ASCC3: variants seen among roughly 807,000 people sequenced by gnomAD.
ASCC3 encodes activating signal cointegrator 1 complex subunit 3.
ASCC3 carries 158 observed loss-of-function variants against 256.3 expected under a neutral mutation model. That is an observed-to-expected ratio of 0.62 (90% CI 0.54 to 0.70). The LOEUF is 0.70. Ranked by LOEUF, ASCC3 falls within the 30% of genes least tolerant of loss-of-function variation. The probability of loss-of-function intolerance (pLI) is 0.00; values close to 1 mark genes in which losing one functional copy is unlikely to be tolerated. For missense variants in ASCC3, 2,259 were observed against 2,626.0 expected (o/e 0.86, Z 3.05); for synonymous variants, 948 against 883.4 (o/e 1.07, Z -1.30).
At chr6:100,829,557 G>A (rs1771514680) in intron 4 of ASCC3, among the ~76,000 whole-genome samples, 1 of 151,940 alleles carries the variant, frequency 6.6e-6, no homozygotes, top group South Asian at 2.1e-4. Flanking sequence ...CCTGGTTCCC[G>A]CTGGCGGCGC....
At chr6:100,625,703 GTGT>G (rs1434582799) in intron 29 of ASCC3, among the ~76,000 whole-genome samples, 1 of 152,096 alleles carries the variant, frequency 6.6e-6, no homozygotes, top group Non-Finnish European at 1.5e-5. Context: ...TCAGCTATTT[GTGT>G]TTGCCTAAGC....
chr6:100,819,112 C>A (rs896743944), intron 4 of ASCC3, among the ~76,000 whole-genome samples: 2 of 145,312 alleles, frequency 1.4e-5, no homozygotes, highest in African/African-American at 5.1e-5. Context: ...GGGAATTGAA[C>A]AATGAGATCA....
chr6:100,725,767 T>C (rs1023353633), intron 10 of ASCC3, 64 bp from the exon 11 acceptor site: 1 of 1,576,974 alleles, frequency 6.3e-7, no homozygotes, highest in Non-Finnish European at 8.7e-7. Context: ...TGAACTGTGA[T>C]ACTCAGAAAG....
intron 36 of ASCC3, among the ~76,000 whole-genome samples, chr6:100,576,429 G>T (rs1770864100): frequency 6.6e-6 from 1 of 151,794 alleles, no homozygotes; most frequent in Non-Finnish European, 1.5e-5. Context: ...TTTCTTACAT[G>T]TCAATGCTTT....
At chr6:100,608,087 T>TAG (rs79296354) in intron 30 of ASCC3, among the ~76,000 whole-genome samples, 2 of 130,296 alleles carry the variant, frequency 1.5e-5, no homozygotes, top group African/African-American at 2.9e-5. Context: ...TATGTATATA[T>TAG]ATCTATATAC....
chr6:100,742,081 C>T (rs1780462313), intron 10 of ASCC3, among the ~76,000 whole-genome samples: 2 of 151,732 alleles, frequency 1.3e-5, no homozygotes, highest in East Asian at 3.9e-4. Context: ...TTGCTGTTTT[C>T]TGTTTGTTTT....
chr6:100,704,568 T>C (rs946061530), intron 13 of ASCC3, among the ~76,000 whole-genome samples: 3 of 152,002 alleles, frequency 2.0e-5, no homozygotes, highest in Non-Finnish European at 4.4e-5. Flanking sequence ...GAAATAAAAA[T>C]AATTTTCTTC....
At chr6:100,595,132 C>T (rs1418217021) in intron 34 of ASCC3, among the ~76,000 whole-genome samples, 1 of 152,094 alleles carries the variant, frequency 6.6e-6, no homozygotes, top group African/African-American at 2.4e-5. Flanking sequence ...TCTGGTGATG[C>T]ACTGCACAGC....
intron 25 of ASCC3, among the ~76,000 whole-genome samples, chr6:100,632,035 G>A (rs2114868189): frequency 6.6e-6 from 1 of 151,952 alleles, no homozygotes; most frequent in Admixed American, 6.6e-5. Flanking sequence ...TTCTATTTTA[G>A]TGTGATGTAC....
intron 25 of ASCC3, among the ~76,000 whole-genome samples, chr6:100,635,181 A>G (rs1290265717): frequency 6.6e-6 from 1 of 151,720 alleles, no homozygotes; most frequent in African/African-American, 2.4e-5. Flanking sequence ...AGAAATTGTA[A>G]TATATATATG....
intron 14 of ASCC3, among the ~76,000 whole-genome samples, chr6:100,672,317 C>T (rs1163716364): frequency 6.6e-6 from 1 of 151,904 alleles, no homozygotes; most frequent in African/African-American, 2.4e-5. Flanking sequence ...CTAATTAAAG[C>T]AAATAATATT....
At chr6:100,813,497 A>T (rs1770586517) in intron 4 of ASCC3, among the ~76,000 whole-genome samples, 1 of 152,042 alleles carries the variant, frequency 6.6e-6, no homozygotes. Flanking sequence ...AAAAAACCTA[A>T]GAGATTTTGT....
intron 16 of ASCC3, among the ~76,000 whole-genome samples, chr6:100,660,412 T>C (rs966119925): frequency 4.0e-4 from 61 of 151,732 alleles, no homozygotes; most frequent in Admixed American, 2.9e-3. Flanking sequence ...AGAGACTTTG[T>C]TCTGTACATT....
At chr6:100,556,683 C>T (rs777356334) in intron 36 of ASCC3, among the ~76,000 whole-genome samples, 6 of 151,872 alleles carry the variant, frequency 4.0e-5, no homozygotes, top group South Asian at 2.1e-4. Flanking sequence ...ATGATGCAAA[C>T]GGTGGTTTAA....
chr6:100,820,189 A>G (rs1052346380), intron 4 of ASCC3, among the ~76,000 whole-genome samples: 10 of 152,242 alleles, frequency 6.6e-5, no homozygotes, highest in African/African-American at 2.4e-4. Flanking sequence ...CAGAATAGTC[A>G]AAATAAACTT....
At chr6:100,876,108 A>G (rs1773991241) in intron 1 of ASCC3, among the ~76,000 whole-genome samples, 1 of 152,174 alleles carries the variant, frequency 6.6e-6, no homozygotes, top group African/African-American at 2.4e-5. Flanking sequence ...GGCGAGAATG[A>G]CAACAAAAGC....
intron 4 of ASCC3, among the ~76,000 whole-genome samples, chr6:100,828,214 C>T: frequency 6.6e-6 from 1 of 151,396 alleles, no homozygotes; most frequent in Admixed American, 6.6e-5. Context: ...TTTAGTTTAG[C>T]AAATTATTTA....
chr6:100,875,604 G>A lies in ASCC3; in HGVS notation c.-42+5457C>T, dbSNP rs148457407. Among the ~76,000 whole-genome samples, 8 of 152,226 alleles carry A rather than the reference G, an allele frequency of 5.3e-5. No individual in the cohort carries two copies. In the East Asian group the frequency reaches 1.4e-3, roughly 26 times the overall value. On this transcript the variant is annotated intron_variant, in intron 1 of 41. Transcript: ENST00000369162. ...AAAAGCTGCATGAATGCCCATTCAT[G>A]CACTCCACCCCTAAAGGCCTCTTGG...
chr6:100,691,728 T>C (rs1420169534), intron 13 of ASCC3, among the ~76,000 whole-genome samples: 1 of 151,882 alleles, frequency 6.6e-6, no homozygotes, highest in Non-Finnish European at 1.5e-5. Flanking sequence ...TTTAGAAAAA[T>C]TTTTTAGCAA....
Sources: allele counts gnomAD v4.1 joint callset (sites outside exome capture counted in the v4.1 genomes callset), GRCh38; gene constraint gnomAD v4.1.1; transcripts MANE v1.5; gene names NCBI Gene and HGNC (gene_info 2026-07-23, HGNC 2026-07-21).